Variants in CSMD1 observed in about 807,000 individuals in gnomAD.
CSMD1 encodes the protein CUB and sushi domain-containing protein 1.
A neutral mutation model predicts 417.5 loss-of-function variants in CSMD1; 213 were observed. That is an observed-to-expected ratio of 0.51 (90% confidence interval 0.46 to 0.57). CSMD1 has a LOEUF of 0.57. Ranked by LOEUF, CSMD1 falls within the 20% of genes least tolerant of loss-of-function variation. The pLI is 0.00. For missense variants in CSMD1, 6,923 were observed against 4,529.7 expected, an observed-to-expected ratio of 1.53 and a Z score of -15.17; for synonymous variants, 2,862 against 1,736.8, an observed-to-expected ratio of 1.65 and a Z score of -16.11.
intron 49 of CSMD1, among the ~76,000 whole-genome samples, chr8:3,064,598 A>T (rs1260428259): frequency 6.6e-6 from 1 of 152,218 alleles, no homozygotes; most frequent in Admixed American, 6.5e-5. Flanking sequence ...AACACAGAAA[A>T]TAAAGAAGAA....
intron 1 of CSMD1, among the ~76,000 whole-genome samples, chr8:4,957,974 T>C (rs1799772152): frequency 6.6e-6 from 1 of 152,188 alleles, no homozygotes; most frequent in African/African-American, 2.4e-5. Context: ...AGTAAGATGT[T>C]ATTTTTTCCA....
intron 5 of CSMD1, among the ~76,000 whole-genome samples, chr8:3,758,433 G>A (rs915795137): frequency 1.3e-5 from 2 of 152,134 alleles, no homozygotes; most frequent in African/African-American, 4.8e-5. Flanking sequence ...GACTTTTGTT[G>A]TTTGTTTGGG....
At chr8:4,024,615 C>G (rs1796967854) in intron 4 of CSMD1, among the ~76,000 whole-genome samples, 1 of 152,106 alleles carries the variant, frequency 6.6e-6, no homozygotes, top group Non-Finnish European at 1.5e-5. Context: ...TCTTAAGGTT[C>G]TTTGAGGTAC....
chr8:4,289,151 G>A (rs767284130), intron 3 of CSMD1, among the ~76,000 whole-genome samples: 16 of 152,154 alleles, frequency 1.1e-4, no homozygotes, highest in South Asian at 2.1e-4. Flanking sequence ...TCTAACACCC[G>A]TTCTAAGACA....
At chr8:4,155,182 C>A (rs1382989792) in intron 3 of CSMD1, among the ~76,000 whole-genome samples, 1 of 152,144 alleles carries the variant, frequency 6.6e-6, no homozygotes, top group East Asian at 1.9e-4. Context: ...ATAATTTGCC[C>A]AGGATTGTCC....
chr8:3,869,698 G>T (rs555316267), intron 5 of CSMD1, among the ~76,000 whole-genome samples: 2 of 152,108 alleles, frequency 1.3e-5, no homozygotes, highest in African/African-American at 4.8e-5. Context: ...GCGCAGCCAG[G>T]AGCATGTGGG....
rs1262453525 is a variant in CSMD1, at chr8:4,712,268, A to C, written c.86-74710T>G. ...ATCATTCAAAATTGGCTGAGGATACATGTAGGTGAGAGTACACTTCAGTGT... is the reference window on the plus strand; with the variant it reads ...ATCATTCAAAATTGGCTGAGGATACCTGTAGGTGAGAGTACACTTCAGTGT... On this transcript the variant is annotated intron_variant, in intron 1 of 69. Coordinates refer to ENST00000635120, the MANE Select transcript of CSMD1 (RefSeq NM_033225.6). Among the ~76,000 whole-genome samples, 3 of 152,204 alleles carry C rather than the reference A, an allele frequency of 2.0e-5. No individual in the cohort carries two copies. In the East Asian group the frequency reaches 5.8e-4, roughly 29 times the overall value.
At position 4,143,390 on chromosome 8, in the gene CSMD1, T is replaced by C. The variant is rs1371704488; in HGVS notation, c.416-111291A>G. Reference sequence around the variant, plus strand: ...TTATCCCTTTTTTTTTTTTTTTTGCTACAGACTAAGTTAATTAGGTGGAAC... The same window carrying C: ...TTATCCCTTTTTTTTTTTTTTTTGCCACAGACTAAGTTAATTAGGTGGAAC... On this transcript the variant is annotated intron_variant, in intron 3 of 69. Coordinates refer to ENST00000635120, the MANE Select transcript of CSMD1 (RefSeq NM_033225.6). Among the ~76,000 whole-genome samples, 103 of 146,384 alleles carry C rather than the reference T, an allele frequency of 7.0e-4. 9 individuals are homozygous for C. Among genetic ancestry groups the C allele is most frequent in the African/African-American group, 2.3e-3 (88 of 38,564 alleles).
chr8:4,875,177 T>C (rs996289550), intron 1 of CSMD1, among the ~76,000 whole-genome samples: 36 of 152,098 alleles, frequency 2.4e-4, no homozygotes, highest in African/African-American at 8.0e-4. Flanking sequence ...GAAAGATTCG[T>C]GTCTCTTTCT....
At chr8:4,031,313 G>A (rs768199122) in intron 4 of CSMD1, among the ~76,000 whole-genome samples, 34 of 152,176 alleles carry the variant, frequency 2.2e-4, no homozygotes, top group Non-Finnish European at 2.4e-4. Context: ...GTCCCAAGTG[G>A]CTGGGGAAGC....
intron 49 of CSMD1, among the ~76,000 whole-genome samples, chr8:3,058,049 G>C (rs183187404): frequency 6.6e-6 from 1 of 152,150 alleles, no homozygotes; most frequent in Admixed American, 6.5e-5. Context: ...GGGTTCTTCC[G>C]TTCTACCCCA....
chr8:3,928,228 ATAG>A (rs768567510), intron 5 of CSMD1, among the ~76,000 whole-genome samples: 2 of 152,234 alleles, frequency 1.3e-5, no homozygotes, highest in Admixed American at 6.5e-5. Flanking sequence ...GAAAATAGAA[ATAG>A]TAGGTATAAT....
chr8:3,842,792 A>G (rs562670395), intron 5 of CSMD1, among the ~76,000 whole-genome samples: 4 of 152,230 alleles, frequency 2.6e-5, no homozygotes, highest in Non-Finnish European at 5.9e-5. Flanking sequence ...TGTCTTTTAA[A>G]AAGTTGGAAT....
At chr8:3,286,874 T>C (rs1410917861) in intron 25 of CSMD1, among the ~76,000 whole-genome samples, 1 of 152,176 alleles carries the variant, frequency 6.6e-6, no homozygotes, top group Non-Finnish European at 1.5e-5. Context: ...TTGCTTTTGG[T>C]GTTTTAGACA....
At chr8:4,618,135 C>T (rs1801579749) in intron 2 of CSMD1, among the ~76,000 whole-genome samples, 1 of 152,020 alleles carries the variant, frequency 6.6e-6, no homozygotes, top group Non-Finnish European at 1.5e-5. Context: ...TTCTGTCCTT[C>T]AAGAAAACAA....
intron 5 of CSMD1, among the ~76,000 whole-genome samples, chr8:3,789,428 GTT>G (rs200174086): frequency 2.4e-5 from 2 of 84,918 alleles, no homozygotes; most frequent in Non-Finnish European, 4.7e-5. Flanking sequence ...TTTAAGTAGT[GTT>G]TTTTTTTAAG....
intron 1 of CSMD1, among the ~76,000 whole-genome samples, chr8:4,702,006 G>T (rs142396627): frequency 7.6e-4 from 116 of 152,280 alleles, no homozygotes; most frequent in African/African-American, 2.8e-3. Context: ...ACTAACTCAG[G>T]AACAGAAAAC....
intron 42 of CSMD1, among the ~76,000 whole-genome samples, chr8:3,111,486 TA>T (rs1251350024): frequency 5.3e-5 from 8 of 152,096 alleles, no homozygotes; most frequent in South Asian, 2.1e-4. Flanking sequence ...TCCACTTCTA[TA>T]AATTCTATGA....
At position 4,669,406 on chromosome 8, in the gene CSMD1, T is replaced by C. The variant is rs141145172; in HGVS notation, c.86-31848A>G. Among the ~76,000 whole-genome samples the C allele has an allele frequency of 8.2e-3, 1,255 of 152,342 alleles. 6 individuals are homozygous for C. The highest frequency in any genetic ancestry group is 0.013 in the Non-Finnish European group (854 of 68,028). ...TAATCATACAAATGATTTCTCCTCA[T>C]TTGAGAAAATAGTTGTAGTTTTGTT... On this transcript the variant is annotated intron_variant, in intron 1 of 69. Coordinates refer to ENST00000635120, the MANE Select transcript of CSMD1 (RefSeq NM_033225.6).
Sources: allele counts gnomAD v4.1 joint callset (sites outside exome capture counted in the v4.1 genomes callset), GRCh38; gene constraint gnomAD v4.1.1; transcripts MANE v1.5; gene names NCBI Gene and HGNC (gene_info 2026-07-23, HGNC 2026-07-21).